The following FANCC variants were observed in gnomAD, a reference collection of about 807,000 sequenced individuals.
FANCC encodes Fanconi anemia group C protein.
Under a neutral mutation model 71.3 loss-of-function variants are expected in FANCC, and 55 were observed. The observed-to-expected ratio is 0.77, with a 90% CI of 0.62 to 0.97. The LOEUF (loss-of-function observed/expected upper bound fraction) is 0.97. Among genes scored for constraint, FANCC ranks in the 50% least tolerant of loss-of-function variants. The pLI is 0.00. For synonymous variants in FANCC, 275 were observed against 244.9 expected (o/e 1.12, Z -1.15); for missense variants, 678 against 670.9 (o/e 1.01, Z -0.12).
intron 4 of FANCC, among the ~76,000 whole-genome samples, chr9:95,213,667 T>C (rs879604489): frequency 5.3e-5 from 8 of 152,062 alleles, no homozygotes; most frequent in Non-Finnish European, 1.0e-4. Context: ...TCAAAATGCA[T>C]CCATGGCTTA....
intron 1 of FANCC, among the ~76,000 whole-genome samples, chr9:95,309,471 G>A (rs1053748188): frequency 3.3e-5 from 5 of 152,160 alleles, no homozygotes; most frequent in African/African-American, 1.2e-4. Context: ...GGGTAGATAG[G>A]CTAAGTAATC....
intron 1 of FANCC, among the ~76,000 whole-genome samples, chr9:95,313,175 G>T (rs1213538718): frequency 6.6e-6 from 1 of 152,190 alleles, no homozygotes; most frequent in Non-Finnish European, 1.5e-5. Context: ...AGGTGCTGGG[G>T]CGGCACCCAA....
Position 95,117,301 on chromosome 9 carries a change from C to G in FANCC, c.1072+14G>C, listed in dbSNP as rs763466918. 15 of 1,612,804 alleles carry G rather than the reference C, an allele frequency of 9.3e-6. No individual in the cohort carries two copies. The highest frequency in any genetic ancestry group is 4.0e-5 in the African/African-American group (3 of 74,892). ...GAAATCATTCTGATGTGGGCAAAGTCAACCCTAACTCACCTTGAGGGTCTT... is the reference window on the plus strand; with the variant it reads ...GAAATCATTCTGATGTGGGCAAAGTGAACCCTAACTCACCTTGAGGGTCTT... On this transcript the variant is annotated intron_variant, in intron 11 of 14. Coordinates refer to ENST00000289081, the MANE Select transcript of FANCC (RefSeq NM_000136.3).
intron 4 of FANCC, among the ~76,000 whole-genome samples, chr9:95,208,174 G>A (rs941013317): frequency 6.5e-5 from 8 of 123,294 alleles, no homozygotes; most frequent in African/African-American, 2.2e-4. Flanking sequence ...CTCGGCTCAC[G>A]GCAACCACTG....
intron 11 of FANCC, among the ~76,000 whole-genome samples, chr9:95,115,908 G>T (rs1375662019): frequency 1.3e-5 from 2 of 152,174 alleles, no homozygotes; most frequent in Non-Finnish European, 2.9e-5. Flanking sequence ...CCTTCACAAT[G>T]GGTATGAAAT....
At chr9:95,169,241 T>G (rs1335460513) in intron 6 of FANCC, among the ~76,000 whole-genome samples, 1 of 152,216 alleles carries the variant, frequency 6.6e-6, no homozygotes, top group Non-Finnish European at 1.5e-5. Context: ...AAATTTCTGT[T>G]AGTTTTGTCG....
intron 3 of FANCC, among the ~76,000 whole-genome samples, chr9:95,243,717 C>T (rs887296763): frequency 1.3e-5 from 2 of 152,112 alleles, no homozygotes; most frequent in African/African-American, 2.4e-5. Flanking sequence ...TGGCGTGAAC[C>T]TAGGAAGCAG....
At chr9:95,258,820 C>A (rs1285276165) in intron 1 of FANCC, among the ~76,000 whole-genome samples, 1 of 152,172 alleles carries the variant, frequency 6.6e-6, no homozygotes, top group East Asian at 1.9e-4. Flanking sequence ...TTTCCTTAAG[C>A]TGATAAGCAG....
chr9:95,277,952 C>T (rs374633452), intron 1 of FANCC, among the ~76,000 whole-genome samples: 1 of 152,162 alleles, frequency 6.6e-6, no homozygotes, highest in Non-Finnish European at 1.5e-5. Flanking sequence ...TAAAAGAACA[C>T]TGATAATTAT....
intron 8 of FANCC, among the ~76,000 whole-genome samples, chr9:95,130,299 T>TGA (rs3030652): frequency 0.22 from 33,504 of 149,068 alleles, 3,993 homozygotes; most frequent in Non-Finnish European, 0.28. Flanking sequence ...TGTGTGTGTG[T>TGA]GAGAGAGAGA....
At chr9:95,104,362 G>A (rs999496620) in intron 14 of FANCC, among the ~76,000 whole-genome samples, 2 of 152,222 alleles carry the variant, frequency 1.3e-5, no homozygotes, top group Admixed American at 6.5e-5. Context: ...CCACACTGGC[G>A]TCTGCTCTGG....
At chr9:95,287,472 A>C (rs1794172544) in intron 1 of FANCC, among the ~76,000 whole-genome samples, 1 of 152,132 alleles carries the variant, frequency 6.6e-6, no homozygotes, top group African/African-American at 2.4e-5. Context: ...TCCTCAGTGG[A>C]TCCTTCCAGC....
chr9:95,117,291 T>C, intron 11 of FANCC, 24 bp downstream of exon 11: 1 of 1,608,388 alleles, frequency 6.2e-7, no homozygotes, highest in Non-Finnish European at 8.5e-7. Context: ...CATTCTGATG[T>C]GGGCAAAGTC....
rs531319368 is a variant in FANCC, at chr9:95,134,462, T to C, written c.843+884A>G. 2.0e-5 allele frequency among the ~76,000 whole-genome samples: 3 copies of C among 152,260 alleles called. No homozygotes were observed. The South Asian group carries it at 6.2e-4, about 32-fold the overall frequency. ...AAGACCGGACCGTTCACTGTGGCTC[T>C]TGGAACTCACTTTCTCCACTTGCAG... On this transcript the variant is annotated intron_variant, in intron 8 of 14. Coordinates refer to ENST00000289081, the MANE Select transcript of FANCC (RefSeq NM_000136.3).
chr9:95,298,134 CTAGTCACATGAAGGAA>C (rs1308352893), intron 1 of FANCC, among the ~76,000 whole-genome samples: 5 of 151,990 alleles, frequency 3.3e-5, no homozygotes, highest in Non-Finnish European at 7.4e-5. Flanking sequence ...GAGGCCTAGT[CTAGTCACATGAAGGAA>C]TAGAGAAAAG....
intron 1 of FANCC, among the ~76,000 whole-genome samples, chr9:95,297,169 C>T (rs1334484205): frequency 6.6e-6 from 1 of 152,146 alleles, no homozygotes; most frequent in Non-Finnish European, 1.5e-5. Context: ...GCAAGAGGGA[C>T]TTTCAGCAAA....
intron 14 of FANCC, among the ~76,000 whole-genome samples, chr9:95,102,955 G>A (rs868510403): frequency 2.3e-4 from 35 of 152,228 alleles, no homozygotes; most frequent in African/African-American, 6.8e-4. Flanking sequence ...GGCTCCGGCT[G>A]TAGCCCAGGC....
intron 4 of FANCC, among the ~76,000 whole-genome samples, chr9:95,189,384 G>T (rs569931981): frequency 2.6e-5 from 4 of 152,096 alleles, no homozygotes; most frequent in Admixed American, 2.0e-4. Flanking sequence ...CCCTCCCAGC[G>T]CCCGTTGTTT....
At chr9:95,152,957 A>C (rs1830265396) in intron 6 of FANCC, among the ~76,000 whole-genome samples, 1 of 152,202 alleles carries the variant, frequency 6.6e-6, no homozygotes, top group Non-Finnish European at 1.5e-5. Flanking sequence ...TCGCAAAAAA[A>C]CTATGTTTTA....
Sources: allele counts gnomAD v4.1 joint callset (sites outside exome capture counted in the v4.1 genomes callset), GRCh38; gene constraint gnomAD v4.1.1; transcripts MANE v1.5; gene names NCBI Gene and HGNC (gene_info 2026-07-23, HGNC 2026-07-21).